The following LNX1 variants were observed in gnomAD, a reference collection of about 807,000 sequenced individuals.
LNX1 encodes the protein E3 ubiquitin-protein ligase LNX.
LNX1 carries 54 observed loss-of-function variants against 68.4 expected under a neutral mutation model. That is an observed-to-expected ratio of 0.79 (90% CI 0.63 to 0.99). The LOEUF is 0.99. LNX1 is among the 50% of genes least tolerant of loss of function. The pLI, the probability that LNX1 is intolerant of heterozygous loss-of-function variation, is 0.00. For missense variants in LNX1, 906 were observed against 926.4 expected (o/e 0.98, Z 0.29); for synonymous variants, 336 against 350.0 (o/e 0.96, Z 0.45).
chr4:53,495,125 G>T (rs1724956519), intron 6 of LNX1, among the ~76,000 whole-genome samples: 1 of 152,132 alleles, frequency 6.6e-6, no homozygotes, highest in Admixed American at 6.5e-5. Flanking sequence ...CTATGGTTTT[G>T]CAAGATGTTA....
chr4:53,530,453 A>G (rs925727813), intron 2 of LNX1, among the ~76,000 whole-genome samples: 15 of 152,244 alleles, frequency 9.9e-5, no homozygotes, highest in African/African-American at 3.4e-4. Context: ...ATACTTAAAG[A>G]ATACTGAGAT....
intron 7 of LNX1, among the ~76,000 whole-genome samples, chr4:53,480,654 TGGATTTATGA>T (rs1723851179): frequency 6.6e-6 from 1 of 152,184 alleles, no homozygotes; most frequent in African/African-American, 2.4e-5. Flanking sequence ...AGGTAATTTA[TGGATTTATGA>T]GGCTTGGCTG....
chr4:53,476,098 A>G (rs1157272952), intron 9 of LNX1, among the ~76,000 whole-genome samples: 2 of 152,204 alleles, frequency 1.3e-5, no homozygotes, highest in East Asian at 3.9e-4. Context: ...GGAGTTTGAG[A>G]CCAGCCTGGG....
intron 2 of LNX1, among the ~76,000 whole-genome samples, chr4:53,527,557 G>A (rs1727710514): frequency 6.6e-6 from 1 of 152,214 alleles, no homozygotes; most frequent in South Asian, 2.1e-4. Context: ...GCAGGCTCCA[G>A]CCTCCTTTCA....
At chr4:53,491,499 A>G (rs976369686) in intron 6 of LNX1, among the ~76,000 whole-genome samples, 3 of 152,192 alleles carry the variant, frequency 2.0e-5, no homozygotes, top group African/African-American at 7.2e-5. Context: ...CTAGTTCAGC[A>G]TGGTACCACA....
chr4:53,489,304 T>C (rs1724527710), intron 6 of LNX1, among the ~76,000 whole-genome samples: 1 of 152,136 alleles, frequency 6.6e-6, no homozygotes, highest in South Asian at 2.1e-4. Context: ...TGGTTTATTT[T>C]TCCCAGTAGA....
intron 6 of LNX1, 125 bp from the exon 7 acceptor site, chr4:53,481,979 G>A (rs1392481815): frequency 1.6e-6 from 2 of 1,257,988 alleles, no homozygotes; most frequent in Non-Finnish European, 2.1e-6. Flanking sequence ...TTTCTAGTTT[G>A]TTGGGTTTTT....
At chr4:53,577,833 T>C (rs1359448814) in intron 1 of LNX1, among the ~76,000 whole-genome samples, 2 of 152,292 alleles carry the variant, frequency 1.3e-5, no homozygotes, top group Middle Eastern at 3.4e-3. Context: ...CTTCCAGAAA[T>C]AGAGTTCTAT....
At chr4:53,611,989 C>T (rs1733516327) in intron 2 of LNX1, among the ~76,000 whole-genome samples, 1 of 151,992 alleles carries the variant, frequency 6.6e-6, no homozygotes, top group East Asian at 1.9e-4. Context: ...AGTGTGAACA[C>T]TAGTTATCAT....
chr4:53,643,578 T>A (rs1734769992), intron 1 of LNX1, among the ~76,000 whole-genome samples: 1 of 152,120 alleles, frequency 6.6e-6, no homozygotes, highest in African/African-American at 2.4e-5. Context: ...AGAGATAGGG[T>A]AACAAAATTC....
At chr4:53,476,722 G>A (rs201461021) in intron 9 of LNX1, 31 bp downstream of exon 9, 49 of 1,565,092 alleles carry the variant, frequency 3.1e-5, no homozygotes, top group Admixed American at 1.7e-4. Context: ...TTTCTCCCAC[G>A]CCCCTACAGG....
At chr4:53,576,079 G>A (rs1320811551) in intron 1 of LNX1, 9 of 1,554,586 alleles carry the variant, frequency 5.8e-6, no homozygotes, top group Admixed American at 3.8e-5. Context: ...CCAAGACCTG[G>A]TCGGGGACTT....
chr4:53,612,445 T>C (rs1464683623), intron 2 of LNX1, among the ~76,000 whole-genome samples: 1 of 152,204 alleles, frequency 6.6e-6, no homozygotes, highest in Non-Finnish European at 1.5e-5. Context: ...TCCTTTACTT[T>C]GTTTTGTTTT....
At chr4:53,597,845 C>T (rs1266845192) in intron 2 of LNX1, among the ~76,000 whole-genome samples, 1 of 152,178 alleles carries the variant, frequency 6.6e-6, no homozygotes, top group Admixed American at 6.5e-5. Context: ...AGGGGTCCTC[C>T]TTGAATACTC....
intron 2 of LNX1, among the ~76,000 whole-genome samples, chr4:53,569,180 A>C (rs1730948772): frequency 1.3e-5 from 2 of 152,110 alleles, no homozygotes; most frequent in Non-Finnish European, 2.9e-5. Context: ...TTCATATGGA[A>C]CCAAAAAAGA....
intron 9 of LNX1, among the ~76,000 whole-genome samples, chr4:53,469,566 A>G (rs1722989531): frequency 2.0e-5 from 3 of 152,242 alleles, no homozygotes; most frequent in Admixed American, 1.3e-4. Context: ...GTTTTTTGAA[A>G]AGATCAACAA....
Position 53,498,834 on chromosome 4 carries a change from C to T in LNX1, c.785G>A (p.Arg262Lys). Reference protein sequence around the residue: ...ENTTAPEVFPRLYHLIPDGEI... With the variant: ...ENTTAPEVFPKLYHLIPDGEI... The stretch of plus-strand genomic sequence containing the variant: ...ACCATCTGGAATCAGGTGGTACAAC[C>T]TTGGAAAGACTGAAATGGACAAAGA... Residue 262 changes from arginine (R) to lysine (K), a missense_variant, in exon 5 of 11, where the codon AGG (arginine) becomes AAG (lysine). By Grantham distance (26) the Arg-to-Lys change is conservative. Coordinates refer to ENST00000263925, the MANE Select transcript of LNX1 (RefSeq NM_001126328.3). 7 of 1,612,916 alleles carry T rather than the reference C, an allele frequency of 4.3e-6. No homozygotes were observed. The highest frequency in any genetic ancestry group is 5.9e-6 in the Non-Finnish European group (7 of 1,179,270).
At chr4:53,559,105 G>A (rs1452903907) in intron 2 of LNX1, among the ~76,000 whole-genome samples, 1 of 152,172 alleles carries the variant, frequency 6.6e-6, no homozygotes, top group Non-Finnish European at 1.5e-5. Context: ...TGACAGCCAA[G>A]CCATGATAGC....
intron 1 of LNX1, among the ~76,000 whole-genome samples, chr4:53,627,577 T>C (rs1337662181): frequency 5.3e-5 from 8 of 152,328 alleles, no homozygotes; most frequent in Non-Finnish European, 1.2e-4. Context: ...ATAAAGTGAA[T>C]CCTGTCAAAT....
Sources: gnomAD v4.1 joint callset for allele counts (sites outside exome capture counted in the v4.1 genomes callset) on GRCh38, gnomAD v4.1.1 for gene constraint, MANE v1.5 for transcripts, NCBI Gene and HGNC (gene_info 2026-07-23, HGNC 2026-07-21) for gene names.